RIDA: variants seen among roughly 807,000 people sequenced by gnomAD.
RIDA encodes the protein reactive intermediate imine deaminase A, also known as 2-iminobutanoate/2-iminopropanoate deaminase.
In RIDA, 17 loss-of-function variants were observed where a neutral mutation model predicts 17.8. The observed-to-expected ratio is 0.96, with a 90% confidence interval of 0.65 to 1.43. The LOEUF (loss-of-function observed/expected upper bound fraction) is 1.43, where lower values mean the gene tolerates loss of function less well. Ranked by LOEUF, RIDA falls within the 40% of genes most tolerant of loss-of-function variation. RIDA has a pLI of 0.00. For missense variants in RIDA, 158 were observed against 161.7 expected, an observed-to-expected ratio of 0.98 and a Z score of 0.12; for synonymous variants, 48 against 55.7, an observed-to-expected ratio of 0.86 and a Z score of 0.62.
chr8:98,115,666 C>G (rs1177478407), intron 1 of RIDA, among the ~76,000 whole-genome samples: 1 of 151,918 alleles, frequency 6.6e-6, no homozygotes, highest in Non-Finnish European at 1.5e-5. Flanking sequence ...GCTGGGATTA[C>G]AGGCGTGAAC....
chr8:98,104,517 G>A lies in RIDA; in HGVS notation c.323C>T (p.Ala108Val). ...GGGTAAAGCAGCAACTTGGTAAGCA[G>A]CTCTAGCAGGAAAATTACTCTTGAA... ...QYFKSNFPAR[A>V]AYQVAALPKG... The change falls in exon 5 of 6, where the codon GCT (alanine) becomes GTT (valine). Residue 108 changes from alanine (A) to valine (V), a missense_variant. By Grantham distance (64) the Ala-to-Val change is moderately conservative. Coordinates refer to ENST00000254878, the MANE Select transcript of RIDA (RefSeq NM_005836.3). 6.3e-7 allele frequency: 1 copy of A among 1,591,860 alleles called. No individual in the cohort carries two copies. Among genetic ancestry groups the A allele is most frequent in the Non-Finnish European group, 8.6e-7 (1 of 1,160,574 alleles).
At chr8:98,113,449 T>C (rs1815757397) in intron 1 of RIDA, among the ~76,000 whole-genome samples, 1 of 152,222 alleles carries the variant, frequency 6.6e-6, no homozygotes, top group South Asian at 2.1e-4. Context: ...CTGTTTTTTT[T>C]CTTAAACATT....
chr8:98,102,905 C>T lies in RIDA; in HGVS notation c.352-1G>A. On this transcript the variant is annotated splice_acceptor_variant, in intron 5 of 5. Transcript: ENST00000254878. LOFTEE classifies it high-confidence loss of function. ...CTGCTTCAATTTCAATTCGGCTGCC[C>T]TGTGAGGAAAATGAAAGAATTTGTT... is the stretch of plus-strand genomic sequence containing the variant. 1 of 1,611,590 alleles carries T rather than the reference C, an allele frequency of 6.2e-7. No individual in the cohort carries two copies. The highest frequency in any genetic ancestry group is 8.5e-7 in the Non-Finnish European group (1 of 1,178,440).
intron 1 of RIDA, among the ~76,000 whole-genome samples, chr8:98,110,174 G>A (rs1338221440): frequency 6.6e-6 from 1 of 152,150 alleles, no homozygotes; most frequent in South Asian, 2.1e-4. Context: ...TTTTGGGAGT[G>A]ATAGAAATAT....
In RIDA at chr8:98,106,317, T is replaced by C. The variant is rs1202156673; in HGVS notation, c.181A>G (p.Asn61Asp). The change falls in exon 3 of 6, where the codon AAC becomes GAC. Residue 61 changes from asparagine to aspartate, a missense_variant. Physicochemically the swap from Asn to Asp is conservative, Grantham distance 23 (BLOSUM62 1). Transcript: ENST00000254878. ...VAEEAKQALK[N>D]MGEILKAAGC... ...GCAGCTTTCAGAATTTCACCCATGT[T>C]TTTAAGAGCCTGTGAACCAAGCCAA... 1 of 1,613,832 alleles carries C rather than the reference T, an allele frequency of 6.2e-7. No individual in the cohort carries two copies. The highest frequency in any genetic ancestry group is 1.1e-5 in the South Asian group (1 of 91,058).
chr8:98,105,154 A>G (rs1815616518), intron 4 of RIDA, among the ~76,000 whole-genome samples: 1 of 144,722 alleles, frequency 6.9e-6, no homozygotes. Context: ...AGAAATACAT[A>G]CCCTAACATT....
chr8:98,105,914 T>C (rs1379804121), intron 4 of RIDA, 24 bp downstream of exon 4: 1 of 1,460,640 alleles, frequency 6.8e-7, no homozygotes. Flanking sequence ...AAATGGAAAA[T>C]AGGAATAAAG....
At position 98,106,000 on chromosome 8, in the gene RIDA, T is replaced by C. The variant is rs771568122; in HGVS notation, c.233A>G (p.Lys78Arg). 9.4e-6 allele frequency: 15 copies of C among 1,600,182 alleles called. No individual in the cohort carries two copies. The Admixed American group carries it at 1.3e-4, about 14-fold the overall frequency. Residue 78 changes from lysine (K) to arginine (R), a missense_variant, in exon 4 of 6, where the codon AAA becomes AGA. Physicochemically the swap from Lys to Arg is conservative, Grantham distance 26. Coordinates refer to ENST00000254878, the MANE Select transcript of RIDA (RefSeq NM_005836.3). ...TATGTCAGCCAGAAGAACAGTTGTT[T>C]TCACCACTAGAAGATATAAACATTG... ...AAGCDFTNVV[K>R]TTVLLADIND...
Position 98,117,014 on chromosome 8 carries a change from T to C in RIDA, c.65+18A>G. 6.2e-7 allele frequency: 1 copy of C among 1,610,176 alleles called. No homozygotes were observed. The highest frequency in any genetic ancestry group is 8.5e-7 in the Non-Finnish European group (1 of 1,176,758). On this transcript the variant is annotated intron_variant, in intron 1 of 5. Coordinates refer to ENST00000254878, the MANE Select transcript of RIDA (RefSeq NM_005836.3). ...CCGCACGCCCTGGGTCCGACACAGC[T>C]TCCACCAGCCACGTTACCTGTAGGG... is the stretch of plus-strand genomic sequence containing the variant.
chr8:98,104,243 C>A (rs1282899707), intron 5 of RIDA, among the ~76,000 whole-genome samples: 1 of 151,934 alleles, frequency 6.6e-6, no homozygotes, highest in African/African-American at 2.4e-5. Context: ...CACCACCATG[C>A]ATGGCTAATT....
rs559351708 is a variant in RIDA, at chr8:98,112,031, G to A, written c.66-3280C>T. 5.3e-5 allele frequency among the ~76,000 whole-genome samples: 8 copies of A among 151,432 alleles called. No homozygotes were observed. The East Asian group carries it at 1.4e-3, about 26-fold the overall frequency. On this transcript the variant is annotated intron_variant, in intron 1 of 5. Coordinates refer to ENST00000254878, the MANE Select transcript of RIDA (RefSeq NM_005836.3). ...TATATTAAACATTCTTGTACACTTT[G>A]TTTTTTTCACTCAACAGAATATCAT...
intron 3 of RIDA, 21 bp from the exon 4 acceptor site, chr8:98,106,027 C>A: frequency 6.5e-7 from 1 of 1,547,754 alleles, no homozygotes; most frequent in South Asian, 1.1e-5. Flanking sequence ...TAAACATTGT[C>A]ATTAGGTTTA....
chr8:98,107,012 A>C (rs1815642775), intron 2 of RIDA, among the ~76,000 whole-genome samples: 1 of 152,122 alleles, frequency 6.6e-6, no homozygotes, highest in South Asian at 2.1e-4. Flanking sequence ...CACTGTTCCT[A>C]ATTTATTGTA....
intron 1 of RIDA, among the ~76,000 whole-genome samples, chr8:98,112,293 T>C (rs1296398258): frequency 1.3e-5 from 2 of 152,098 alleles, no homozygotes; most frequent in African/African-American, 4.8e-5. Flanking sequence ...TTCCTTATAC[T>C]ATGTACAGGA....
intron 1 of RIDA, among the ~76,000 whole-genome samples, chr8:98,110,513 G>A (rs1029837002): frequency 2.6e-5 from 4 of 152,138 alleles, no homozygotes; most frequent in Non-Finnish European, 2.9e-5. Flanking sequence ...GCCTGCCTCC[G>A]CTTCCCAAAG....
chr8:98,109,928 G>A (rs1187414481), intron 1 of RIDA, among the ~76,000 whole-genome samples: 1 of 151,836 alleles, frequency 6.6e-6, no homozygotes, highest in Non-Finnish European at 1.5e-5. Context: ...TCTTTCCTAG[G>A]CAACTATCCA....
chr8:98,102,818 C>T lies in RIDA; in HGVS notation c.*24G>A. On this transcript the variant is annotated 3_prime_UTR_variant, in exon 6 of 6. Coordinates refer to ENST00000254878, the MANE Select transcript of RIDA (RefSeq NM_005836.3). ...GTAAAAATTAAAATGTTAACAATTC[C>T]AGACTACACAGCACTGGGCCCACTT... is the stretch of plus-strand genomic sequence containing the variant. 1 of 1,516,524 alleles carries T rather than the reference C, an allele frequency of 6.6e-7. No individual in the cohort carries two copies. Among genetic ancestry groups the T allele is most frequent in the East Asian group, 2.3e-5 (1 of 43,962 alleles). The allele number at this position is 1,516,524 out of a possible 1,614,324, so 93.9% of individuals were successfully genotyped here. A position where few individuals can be genotyped will look rare whatever the true frequency, so the allele number is the denominator to read the frequency against.
In RIDA at chr8:98,102,855, G is replaced by T. The variant is rs766048375; in HGVS notation, c.401C>A (p.Thr134Lys). The part of the protein sequence containing the change: ...EAVAIQGPLT[T>K]ASL ...CACTGGGCCCACTTATAGTGATGCC[G>T]TTGTCAGTGGTCCTTGGATAGCTAC... Residue 134 changes from threonine (T) to lysine (K), a missense_variant, in exon 6 of 6, where the codon ACG (threonine) becomes AAG (lysine). Thr to Lys is a moderately conservative substitution (Grantham distance 78). Transcript: ENST00000254878. 7 of 1,612,088 alleles carry T rather than the reference G, an allele frequency of 4.3e-6. No individual in the cohort carries two copies. Among genetic ancestry groups the T allele is most frequent in the East Asian group, 2.2e-5 (1 of 44,850 alleles).
intron 5 of RIDA, 37 bp from the exon 6 acceptor site, chr8:98,102,941 TG>T: frequency 6.6e-7 from 1 of 1,511,140 alleles, no homozygotes. Flanking sequence ...GTAATCATTT[TG>T]TACAAATTGC....
Sources: gnomAD v4.1 joint callset for allele counts (sites outside exome capture counted in the v4.1 genomes callset) on GRCh38, gnomAD v4.1.1 for gene constraint, MANE v1.5 for transcripts, NCBI Gene and HGNC (gene_info 2026-07-23, HGNC 2026-07-21) for gene names.